ENAM: variants seen among roughly 807,000 people sequenced by gnomAD.
The protein encoded by ENAM is enamelin.
In ENAM, 21 loss-of-function variants were observed where a neutral mutation model predicts 33.6. That is an observed-to-expected ratio of 0.63 (90% confidence interval 0.44 to 0.90). The LOEUF is 0.90. ENAM is among the 40% of genes least tolerant of loss of function. ENAM has a pLI of 0.00. For synonymous variants in ENAM, 473 were observed against 468.4 expected, an observed-to-expected ratio of 1.01 and a Z score of -0.13; for missense variants, 1,388 against 1,366.9, an observed-to-expected ratio of 1.02 and a Z score of -0.24.
chr4:70,629,333 C>A, intron 1 of ENAM, 108 bp from the exon 2 acceptor site: 1 of 641,408 alleles, frequency 1.6e-6, no homozygotes. Context: ...GATTTTGTGG[C>A]CCCCTAATAC....
chr4:70,631,965 T>C (rs888911231), intron 4 of ENAM, 72 bp downstream of exon 4: 9 of 1,261,704 alleles, frequency 7.1e-6, no homozygotes, highest in Admixed American at 3.4e-5. Flanking sequence ...AAGGAGAATA[T>C]TGGAAAATTG....
intron 8 of ENAM, among the ~76,000 whole-genome samples, chr4:70,638,771 ATCTTTCTTT>A (rs1447684574): frequency 6.7e-6 from 1 of 148,840 alleles, no homozygotes; most frequent in Non-Finnish European, 1.5e-5. Flanking sequence ...CCAATTTCTT[ATCTTTCTTT>A]TCTTTCTTTC....
In ENAM at chr4:70,642,476, C is replaced by T. The variant is rs1199393695; in HGVS notation, c.1050C>T (p.Tyr350=). ...VMGHRQNRPF[Y]RNQQVQRGPR... is the part of the protein sequence containing the mutation. ...GGCACAGACAGAATAGGCCTTTTTA[C>T]AGAAATCAACAAGTTCAAAGGGGTC... The change falls in exon 9 of 9, where the codon TAC becomes TAT. Residue 350 remains tyrosine, a synonymous_variant. Transcript: ENST00000396073. 1 of 1,614,100 alleles carries T rather than the reference C, an allele frequency of 6.2e-7. No individual in the cohort carries two copies. The highest frequency in any genetic ancestry group is 1.7e-5 in the Admixed American group (1 of 59,998).
In ENAM at chr4:70,646,402, G is replaced by A. The variant is rs1351743597; in HGVS notation, c.*1547G>A. On this transcript the variant is annotated 3_prime_UTR_variant, in exon 9 of 9. Coordinates refer to ENST00000396073, the MANE Select transcript of ENAM (RefSeq NM_031889.3). ...TCATAACAACATCTCAAAAATTTGG[G>A]GAAACACAACGTTGAAAACTTCCTA... 1 of 152,046 alleles carries A rather than the reference G, an allele frequency of 6.6e-6. No homozygotes were observed. Among genetic ancestry groups the A allele is most frequent in the Non-Finnish European group, 1.5e-5 (1 of 68,028 alleles). 9.4% of individuals were successfully genotyped at this position (152,046 alleles called of 1,614,324 possible).
rs1211141626 is a variant in ENAM at position 70,645,072 on chromosome 4, A to G, written c.*217A>G. The G allele has an allele frequency of 1.1e-5, 6 of 566,996 alleles. No individual in the cohort carries two copies. In the Admixed American group the frequency reaches 1.2e-4, roughly 11 times the overall value. The allele number at this position is 566,996 out of a possible 1,614,324, so 35.1% of individuals were successfully genotyped here. On this transcript the variant is annotated 3_prime_UTR_variant, in exon 9 of 9. Coordinates refer to ENST00000396073, the MANE Select transcript of ENAM (RefSeq NM_031889.3). ...CTAGCACTTTCACAGATTAGTGCAG[A>G]CCTTAAAAAAGCAAGAAGGCCATGA...
intron 6 of ENAM, 26 bp downstream of exon 6, chr4:70,634,594 TA>T (rs1738406216): frequency 1.2e-6 from 2 of 1,612,342 alleles, no homozygotes; most frequent in East Asian, 4.5e-5. Flanking sequence ...AAAAATTCCA[TA>T]TCTGTAAATG....
chr4:70,641,443 A>C (rs1647919833), intron 8 of ENAM, among the ~76,000 whole-genome samples: 1 of 148,136 alleles, frequency 6.8e-6, no homozygotes, highest in South Asian at 2.1e-4. Context: ...GCTGGAATGC[A>C]GTGACACGAT....
Position 70,644,620 on chromosome 4 carries a change from A to G in ENAM, c.3194A>G (p.His1065Arg). ...LPCFGSKLAK[H>R]HSSTTGTPSS... The stretch of plus-strand genomic sequence containing the variant: ...TGCTTTGGCTCCAAATTAGCAAAGC[A>G]TCACTCTTCCACCACCGGAACTCCA... The change falls in exon 9 of 9, where the codon CAT becomes CGT. Residue 1065 changes from histidine (H) to arginine (R), a missense_variant. Physicochemically the swap from His to Arg is conservative, Grantham distance 29 (BLOSUM62 0). Transcript: ENST00000396073. 1 of 1,613,860 alleles carries G rather than the reference A, an allele frequency of 6.2e-7. No homozygotes were observed. The highest frequency in any genetic ancestry group is 8.5e-7 in the Non-Finnish European group (1 of 1,179,800).
Position 70,643,282 on chromosome 4 carries a change from C to G in ENAM, c.1856C>G (p.Thr619Arg). 6.2e-7 allele frequency: 1 copy of G among 1,614,050 alleles called. No homozygotes were observed. Among genetic ancestry groups the G allele is most frequent in the Middle Eastern group, 1.7e-4 (1 of 6,060 alleles). Residue 619 changes from threonine (T) to arginine (R), a missense_variant, in exon 9 of 9, where the codon ACA (threonine) becomes AGA (arginine). Coordinates refer to ENST00000396073, the MANE Select transcript of ENAM (RefSeq NM_031889.3). ...RENSPYLRGN[T>R]WDERDDSPNT... ...AACTCACCATACCTTAGAGGCAATA[C>G]ATGGGATGAGAGAGATGATTCTCCC...
rs767752203 is a variant in ENAM, at chr4:70,643,243, A to G, written c.1817A>G (p.Tyr606Cys). 1.2e-5 allele frequency: 19 copies of G among 1,614,040 alleles called. No individual in the cohort carries two copies. Among genetic ancestry groups the G allele is most frequent in the African/African-American group, 2.7e-5 (2 of 75,002 alleles). The change falls in exon 9 of 9, where the codon TAT becomes TGT. Residue 606 changes from tyrosine (Y) to cysteine (C), a missense_variant. Coordinates refer to ENST00000396073, the MANE Select transcript of ENAM (RefSeq NM_031889.3). The part of the protein sequence containing the change: ...GSVFYPEYNP[Y>C]DPRENSPYLR... ...GTTTTCTACCCTGAATATAACCCAT[A>G]TGATCCCAGGGAAAACTCACCATAC...
At position 70,644,586 on chromosome 4, in the gene ENAM, C is replaced by T; in HGVS notation, c.3160C>T (p.His1054Tyr). 1.2e-6 allele frequency: 2 copies of T among 1,613,134 alleles called. No homozygotes were observed. The highest frequency in any genetic ancestry group is 1.7e-6 in the Non-Finnish European group (2 of 1,179,272). ...ACAGCAAAGACCATCTAACATTCTG[C>T]ATTTGCCATGCTTTGGCTCCAAATT... ...RQQQRPSNIL[H>Y]LPCFGSKLAK... The change falls in exon 9 of 9, where the codon CAT becomes TAT. Residue 1054 changes from histidine to tyrosine, a missense_variant. Transcript: ENST00000396073.
chr4:70,639,522 G>A (rs1738548152), intron 8 of ENAM, among the ~76,000 whole-genome samples: 1 of 152,164 alleles, frequency 6.6e-6, no homozygotes, highest in Non-Finnish European at 1.5e-5. Context: ...CCCAGGAGGG[G>A]AAGGTTGCAG....
Position 70,631,910 on chromosome 4 carries a change from TCA to T in ENAM, c.168+18_168+19del, listed in dbSNP as rs1193696952. On this transcript the variant is annotated intron_variant, in intron 4 of 8. Coordinates refer to ENST00000396073, the MANE Select transcript of ENAM (RefSeq NM_031889.3). ...AGTGAGGAGGTATGTACGTTCAGTC[TCA>T]GAGGAGAAGTTATCCAGAGTCCTAT... 6.2e-7 allele frequency: 1 copy of T among 1,609,760 alleles called. No homozygotes were observed. The highest frequency in any genetic ancestry group is 8.5e-7 in the Non-Finnish European group (1 of 1,176,174).
In ENAM at chr4:70,642,132, G is replaced by C; in HGVS notation, c.706G>C (p.Glu236Gln). ...CAAAGAAGAAGATCCTCCTAAAGCA[G>C]AAAGTCCAGGCACAGAACCCACAGC... The part of the protein sequence containing the change: ...KPKEEDPPKA[E>Q]SPGTEPTANS... The change falls in exon 9 of 9, where the codon GAA becomes CAA. Residue 236 changes from glutamate (E) to glutamine (Q), a missense_variant. Physicochemically the swap from Glu to Gln is conservative, Grantham distance 29 (BLOSUM62 2). Transcript: ENST00000396073. 2.5e-6 allele frequency: 4 copies of C among 1,614,170 alleles called. No individual in the cohort carries two copies. The highest frequency in any genetic ancestry group is 3.4e-6 in the Non-Finnish European group (4 of 1,180,014).
intron 7 of ENAM, among the ~76,000 whole-genome samples, chr4:70,636,280 T>G (rs972151358): frequency 1.3e-5 from 2 of 152,104 alleles, no homozygotes; most frequent in African/African-American, 4.8e-5. Context: ...AACCACAGGG[T>G]GAGCTATGAT....
chr4:70,637,963 G>A (rs995775038), intron 8 of ENAM, 120 bp downstream of exon 8: 22 of 788,688 alleles, frequency 2.8e-5, no homozygotes, highest in Non-Finnish European at 3.9e-5. Flanking sequence ...TCAAGCTTCC[G>A]TGATTTTTAG....
chr4:70,639,219 T>C (rs1308897180), intron 8 of ENAM, among the ~76,000 whole-genome samples: 1 of 152,180 alleles, frequency 6.6e-6, no homozygotes, highest in African/African-American at 2.4e-5. Context: ...ACCTAGAAAG[T>C]GGCACTTCTA....
chr4:70,644,257 C>A lies in ENAM; in HGVS notation c.2831C>A (p.Pro944His), dbSNP rs746742802. 5.0e-6 allele frequency: 8 copies of A among 1,614,070 alleles called. No homozygotes were observed. Among genetic ancestry groups the A allele is most frequent in the Non-Finnish European group, 5.9e-6 (7 of 1,180,030 alleles). ...TCAGAGAAGAGGGAAAGCCAAAACC[C>A]TTTTAGAGATGATGTGTCCACGCTG... The part of the protein sequence containing the change: ...NSSEKRESQN[P>H]FRDDVSTLRR... The change falls in exon 9 of 9, where the codon CCT (proline) becomes CAT (histidine). Residue 944 changes from proline (P) to histidine (H), a missense_variant. Coordinates refer to ENST00000396073, the MANE Select transcript of ENAM (RefSeq NM_031889.3).
intron 2 of ENAM, 44 bp from the exon 3 acceptor site, chr4:70,631,626 A>G (rs367598641): frequency 2.2e-6 from 3 of 1,394,732 alleles, no homozygotes. Context: ...CCCTAAGCAT[A>G]CTTATTTCAC....
Sources: allele counts gnomAD v4.1 joint callset (sites outside exome capture counted in the v4.1 genomes callset), GRCh38; gene constraint gnomAD v4.1.1; transcripts MANE v1.5; gene names NCBI Gene and HGNC (gene_info 2026-07-23, HGNC 2026-07-21).